TBC1D1: variants seen among roughly 807,000 people sequenced by gnomAD.
The protein encoded by TBC1D1 is TBC1 (tre-2/USP6, BUB2, cdc16) domain family, member 1.
In TBC1D1, 89 loss-of-function variants were observed where a neutral mutation model predicts 125.6. The observed-to-expected ratio is 0.71, with a 90% confidence interval of 0.60 to 0.85. The LOEUF (loss-of-function observed/expected upper bound fraction) is 0.85, where lower values mean the gene tolerates loss of function less well. Ranked by LOEUF, TBC1D1 falls within the 40% of genes least tolerant of loss-of-function variation. The pLI is 0.00. For synonymous variants in TBC1D1, 565 were observed against 564.1 expected, an observed-to-expected ratio of 1.00 and a Z score of -0.02; for missense variants, 1,377 against 1,469.2, an observed-to-expected ratio of 0.94 and a Z score of 1.03.
intron 13 of TBC1D1, among the ~76,000 whole-genome samples, chr4:38,095,630 T>C (rs1165308768): frequency 6.6e-6 from 1 of 152,136 alleles, no homozygotes; most frequent in Non-Finnish European, 1.5e-5. Flanking sequence ...GGGAGGCTCA[T>C]AGTTTGATAG....
rs1414166069 is a variant in TBC1D1, at chr4:38,124,219, CTT to C, written c.2963-737_2963-736del. Among the ~76,000 whole-genome samples, 12 of 151,948 alleles carry C rather than the reference CTT, an allele frequency of 7.9e-5. No individual in the cohort carries two copies. The East Asian group carries it at 2.3e-3, about 29-fold the overall frequency. ...CTGCTTTAACCCCAGGACATCGACT[CTT>C]TTTTTCCCCAGCAGCTTCAACTCTA... On this transcript the variant is annotated intron_variant, in intron 17 of 19. Transcript: ENST00000261439.
intron 9 of TBC1D1, among the ~76,000 whole-genome samples, chr4:38,044,824 C>T (rs1274816469): frequency 6.6e-6 from 1 of 152,312 alleles, no homozygotes; most frequent in African/African-American, 2.4e-5. Context: ...CTATGTATAA[C>T]TTAAAAAACA....
chr4:37,910,661 G>C (rs1040342757), intron 2 of TBC1D1, among the ~76,000 whole-genome samples: 3 of 152,118 alleles, frequency 2.0e-5, no homozygotes, highest in African/African-American at 7.2e-5. Context: ...AGGGTAGTCG[G>C]GGCTGGGGAG....
chr4:38,007,851 T>G (rs1740657350), intron 2 of TBC1D1, among the ~76,000 whole-genome samples: 1 of 152,206 alleles, frequency 6.6e-6, no homozygotes. Context: ...GTGGGTGGCA[T>G]GCGGAGGAGG....
intron 13 of TBC1D1, among the ~76,000 whole-genome samples, chr4:38,093,835 T>A (rs1758866725): frequency 6.6e-6 from 1 of 152,138 alleles, no homozygotes; most frequent in Non-Finnish European, 1.5e-5. Flanking sequence ...GTCCAGCCAA[T>A]TTTTCTGTAT....
intron 14 of TBC1D1, among the ~76,000 whole-genome samples, chr4:38,101,156 T>C (rs1389978709): frequency 6.6e-6 from 1 of 152,224 alleles, no homozygotes; most frequent in Non-Finnish European, 1.5e-5. Context: ...CTGCTGCTGC[T>C]ACCTGCCAGA....
intron 4 of TBC1D1, 147 bp from the exon 5 acceptor site, chr4:38,020,444 C>T (rs1743762962): frequency 3.4e-6 from 2 of 581,522 alleles, no homozygotes; most frequent in Admixed American, 5.0e-5. Context: ...TGCCATTGTA[C>T]TCCAGCCTGG....
chr4:38,071,703 TGTAG>T (rs1754735795), intron 12 of TBC1D1, among the ~76,000 whole-genome samples: 1 of 152,244 alleles, frequency 6.6e-6, no homozygotes, highest in Admixed American at 6.5e-5. Flanking sequence ...CTTGGCACAC[TGTAG>T]GTTCTCAGAT....
chr4:37,960,692 A>T, intron 2 of TBC1D1: 1 of 1,614,228 alleles, frequency 6.2e-7, no homozygotes, highest in South Asian at 1.1e-5. Context: ...AAAAACAGCC[A>T]AGCTTTTCTG....
In TBC1D1 at chr4:38,084,719, T is replaced by A. The variant is rs77918898; in HGVS notation, c.2051-5213T>A. ...GGTTTGAGAATAACTGGAATTTTTTTAACTTCTTTTTTTTTTTTCGCATGG... is the reference window on the plus strand; with the variant it reads ...GGTTTGAGAATAACTGGAATTTTTTAAACTTCTTTTTTTTTTTTCGCATGG... On this transcript the variant is annotated intron_variant, in intron 12 of 19. Transcript: ENST00000261439. Among the ~76,000 whole-genome samples the A allele has an allele frequency of 8.2e-3, 1,210 of 147,908 alleles. 11 individuals carry two copies. The highest frequency in any genetic ancestry group is 0.012 in the Non-Finnish European group (815 of 67,436).
chr4:37,919,011 T>C (rs1720332264), intron 2 of TBC1D1, among the ~76,000 whole-genome samples: 1 of 150,288 alleles, frequency 6.7e-6, no homozygotes, highest in African/African-American at 2.5e-5. Flanking sequence ...TATAATATAA[T>C]ACCAACAACA....
intron 2 of TBC1D1, among the ~76,000 whole-genome samples, chr4:37,971,830 G>A (rs956889690): frequency 2.0e-5 from 3 of 152,158 alleles, no homozygotes; most frequent in Non-Finnish European, 4.4e-5. Flanking sequence ...GACCTCTGTG[G>A]CTGAATTCAG....
chr4:37,933,154 A>G (rs1248467287), intron 2 of TBC1D1, among the ~76,000 whole-genome samples: 1 of 152,006 alleles, frequency 6.6e-6, no homozygotes, highest in Non-Finnish European at 1.5e-5. Flanking sequence ...CTATTTTCTC[A>G]CCTAAGATAA....
intron 2 of TBC1D1, among the ~76,000 whole-genome samples, chr4:37,904,415 C>G (rs1716860464): frequency 6.6e-6 from 1 of 152,194 alleles, no homozygotes; most frequent in African/African-American, 2.4e-5. Context: ...ACTGAACAGC[C>G]TGTACCTCAG....
At chr4:38,129,066 G>C (rs1303460082) in intron 18 of TBC1D1, among the ~76,000 whole-genome samples, 1 of 152,162 alleles carries the variant, frequency 6.6e-6, no homozygotes, top group Non-Finnish European at 1.5e-5. Flanking sequence ...TAGAAACTCA[G>C]CATCTGGGGC....
intron 15 of TBC1D1, chr4:38,110,467 C>G (rs954120150): frequency 2.0e-6 from 2 of 985,266 alleles, no homozygotes; most frequent in East Asian, 2.3e-4. Context: ...GAAGAACATC[C>G]GTTAGATGAG....
chr4:38,053,956 C>G (rs1039903559), intron 11 of TBC1D1, among the ~76,000 whole-genome samples: 4 of 152,194 alleles, frequency 2.6e-5, no homozygotes, highest in African/African-American at 9.7e-5. Context: ...GTTTCTTAAT[C>G]TCTGTTACAA....
At chr4:37,913,870 C>G (rs1719160773) in intron 2 of TBC1D1, among the ~76,000 whole-genome samples, 1 of 151,962 alleles carries the variant, frequency 6.6e-6, no homozygotes, top group Non-Finnish European at 1.5e-5. Context: ...CACGAGCCAC[C>G]TAGAGCTTGT....
At chr4:37,993,877 C>T (rs932201824) in intron 2 of TBC1D1, among the ~76,000 whole-genome samples, 2 of 152,262 alleles carry the variant, frequency 1.3e-5, no homozygotes, top group African/African-American at 2.4e-5. Flanking sequence ...CCACCGCGCC[C>T]GGCCACAACA....
Sources: allele counts gnomAD v4.1 joint callset (sites outside exome capture counted in the v4.1 genomes callset), GRCh38; gene constraint gnomAD v4.1.1; transcripts MANE v1.5; gene names NCBI Gene and HGNC (gene_info 2026-07-23, HGNC 2026-07-21).